The following SLC12A7 variants were observed in gnomAD, a reference collection of about 807,000 sequenced individuals.
SLC12A7 encodes the protein solute carrier family 12 member 7.
In SLC12A7, 100 loss-of-function variants were observed where a neutral mutation model predicts 120.6. The observed-to-expected ratio is 0.83, with a 90% confidence interval of 0.71 to 0.98. SLC12A7 has a LOEUF of 0.98. SLC12A7 is among the 50% of genes least tolerant of loss of function. The pLI is 0.00. For missense variants in SLC12A7, 1,373 were observed against 1,548.1 expected, an observed-to-expected ratio of 0.89 and a Z score of 1.90; for synonymous variants, 760 against 678.0, an observed-to-expected ratio of 1.12 and a Z score of -1.88.
chr5:1,131,893 G>A, the SLC12A7 span, among the ~76,000 whole-genome samples: 10 of 152,300 alleles, frequency 6.6e-5, no homozygotes, highest in African/African-American at 2.4e-4. Context: ...CTGTGTACAC[G>A]GCAAAGCTCA....
At chr5:1,056,576 A>C (rs1735634956) in intron 22 of SLC12A7, 4 of 985,524 alleles carry the variant, frequency 4.1e-6, no homozygotes, top group Non-Finnish European at 3.6e-6. Flanking sequence ...TAGCGAGTGG[A>C]CTTACAGGTT....
intron 14 of SLC12A7, 60 bp downstream of exon 14, chr5:1,076,078 G>A: frequency 7.0e-7 from 1 of 1,435,804 alleles, no homozygotes; most frequent in Non-Finnish European, 9.6e-7. Context: ...CTCACCAGTG[G>A]CAGAGGCACC....
At chr5:1,117,228 T>A in the SLC12A7 span, among the ~76,000 whole-genome samples, 3 of 151,842 alleles carry the variant, frequency 2.0e-5, no homozygotes, top group Non-Finnish European at 4.4e-5. This position sits in a 1 kb window ranked among gnomAD's most constrained non-coding sequence, Gnocchi z 4.5. Context: ...CAGCCTTCGC[T>A]GGGGAGGCAG....
At chr5:1,133,034 C>CA in the SLC12A7 span, among the ~76,000 whole-genome samples, 1 of 152,200 alleles carries the variant, frequency 6.6e-6, no homozygotes, top group African/African-American at 2.4e-5. Flanking sequence ...TCTCCTGCCT[C>CA]AACCTCCCAA....
At chr5:1,093,465 C>T (rs1304700039) in intron 3 of SLC12A7, 68 bp downstream of exon 3, 28 of 1,298,728 alleles carry the variant, frequency 2.2e-5, no homozygotes, top group South Asian at 7.8e-5. Flanking sequence ...ACTGCCTTGC[C>T]GGCGTGATCT....
chr5:1,062,114 C>T (rs994116647), intron 20 of SLC12A7, among the ~76,000 whole-genome samples: 5 of 152,092 alleles, frequency 3.3e-5, no homozygotes, highest in African/African-American at 4.8e-5. Context: ...TCCCGGACTT[C>T]AGAGCTAACA....
chr5:1,059,418 TGCCTCC>T (rs1207530149), intron 21 of SLC12A7, among the ~76,000 whole-genome samples: 4 of 152,216 alleles, frequency 2.6e-5, no homozygotes, highest in African/African-American at 9.6e-5. Flanking sequence ...CCCCTGCCCC[TGCCTCC>T]GCCGTCACTG....
intron 6 of SLC12A7, among the ~76,000 whole-genome samples, chr5:1,086,535 G>A (rs999212869): frequency 1.3e-5 from 2 of 152,210 alleles, no homozygotes; most frequent in African/African-American, 2.4e-5. Context: ...ATCAGGCAGA[G>A]AAGAGGCTGG....
chr5:1,092,368 C>T (rs376840185), intron 3 of SLC12A7, among the ~76,000 whole-genome samples: 7 of 152,296 alleles, frequency 4.6e-5, no homozygotes, highest in East Asian at 1.9e-4. Context: ...GGCCGACGGA[C>T]GCCCCACTTG....
intron 1 of SLC12A7, among the ~76,000 whole-genome samples, chr5:1,111,659 G>C (rs1011589685): frequency 1.6e-4 from 24 of 152,260 alleles, no homozygotes; most frequent in African/African-American, 5.8e-4. Context: ...TGACCGTACC[G>C]GGAGCCCTGG....
At chr5:1,129,898 G>A in the SLC12A7 span, among the ~76,000 whole-genome samples, 3 of 152,144 alleles carry the variant, frequency 2.0e-5, no homozygotes, top group African/African-American at 7.2e-5. Context: ...AGCCCATTGT[G>A]TCCTGGGCGT....
chr5:1,114,875 G>C (rs57223105), upstream of SLC12A7, among the ~76,000 whole-genome samples: 1 of 152,128 alleles, frequency 6.6e-6, no homozygotes, highest in Non-Finnish European at 1.5e-5. Flanking sequence ...TTTCCAGTGC[G>C]TGGTGGCTTC....
intron 9 of SLC12A7, 39 bp downstream of exon 9, chr5:1,081,538 G>A: frequency 1.3e-6 from 2 of 1,579,516 alleles, no homozygotes; most frequent in Non-Finnish European, 1.7e-6. Flanking sequence ...GAGAGGGAGA[G>A]AAAGAAAGAG....
At chr5:1,106,642 G>A (rs917715094) in intron 1 of SLC12A7, among the ~76,000 whole-genome samples, 18 of 152,126 alleles carry the variant, frequency 1.2e-4, no homozygotes, top group African/African-American at 3.4e-4. Context: ...GCGGTGCCAC[G>A]TCGGGATGTG....
intron 1 of SLC12A7, 105 bp downstream of exon 1, chr5:1,111,763 C>T: frequency 1.8e-6 from 2 of 1,106,242 alleles, no homozygotes; most frequent in Non-Finnish European, 2.2e-6. Flanking sequence ...GAAGGGGCGC[C>T]TCCTGTACCC....
chr5:1,093,394 A>G, intron 3 of SLC12A7, 139 bp downstream of exon 3: 1 of 857,150 alleles, frequency 1.2e-6, no homozygotes, highest in Non-Finnish European at 1.8e-6. Context: ...GAGCCCTCCC[A>G]GGAAGAAAGG....
At chr5:1,063,750 C>T (rs1327190395) in intron 20 of SLC12A7, 94 bp downstream of exon 20, 1 of 176,232 alleles carries the variant, frequency 5.7e-6, no homozygotes, top group South Asian at 1.6e-4. Context: ...TCCCCCTCCA[C>T]CCCCACCTCA....
chr5:1,145,087 G>A, the SLC12A7 span, among the ~76,000 whole-genome samples: 4 of 152,244 alleles, frequency 2.6e-5, no homozygotes, highest in Admixed American at 6.5e-5. The surrounding 1 kb of genome is among the most constrained non-coding windows in gnomAD (Gnocchi z 4.4). Context: ...GAGAGCCTGC[G>A]TGGGACAGCA....
At chr5:1,103,482 C>A (rs1011153795) in intron 1 of SLC12A7, among the ~76,000 whole-genome samples, 22 of 152,058 alleles carry the variant, frequency 1.4e-4, no homozygotes, top group African/African-American at 4.8e-4. Context: ...GGCACTTCCA[C>A]GTGCACACGC....
Sources: gnomAD v4.1 joint callset for allele counts (sites outside exome capture counted in the v4.1 genomes callset) on GRCh38, gnomAD v4.1.1 for gene constraint, Gnocchi (gnomAD v3.1) non-coding constraint, MANE v1.5 for transcripts, NCBI Gene and HGNC (gene_info 2026-07-23, HGNC 2026-07-21) for gene names.